The following MKX variants were observed in gnomAD, a reference collection of about 807,000 sequenced individuals.
MKX encodes the protein mohawk homeobox.
A neutral mutation model predicts 36.0 loss-of-function variants in MKX; 13 were observed. The observed-to-expected ratio is 0.36, with a 90% CI of 0.24 to 0.57. The LOEUF (loss-of-function observed/expected upper bound fraction) is 0.57, where lower values mean the gene tolerates loss of function less well. MKX is among the 20% of genes least tolerant of loss of function. The pLI is 0.79. For synonymous variants in MKX, 176 were observed against 178.3 expected (o/e 0.99, Z 0.10); for missense variants, 458 against 456.4 (o/e 1.00, Z -0.03).
chr10:27,729,785 A>G (rs1041708601), intron 5 of MKX, among the ~76,000 whole-genome samples: 4 of 152,168 alleles, frequency 2.6e-5, no homozygotes, highest in African/African-American at 9.6e-5. Flanking sequence ...GAAATTCCAT[A>G]GGCTTGGTTC....
At chr10:27,697,228 T>C (rs541101196) in intron 5 of MKX, among the ~76,000 whole-genome samples, 5 of 152,228 alleles carry the variant, frequency 3.3e-5, no homozygotes, top group African/African-American at 1.2e-4. Flanking sequence ...GCCTGGCACT[T>C]AGATAGGGAA....
At chr10:27,722,188 G>A (rs901276867) in intron 5 of MKX, among the ~76,000 whole-genome samples, 4 of 152,082 alleles carry the variant, frequency 2.6e-5, no homozygotes, top group East Asian at 1.9e-4. Flanking sequence ...ATGTAAACAC[G>A]TGACATCTAC....
chr10:27,715,989 G>A (rs944475382), intron 5 of MKX, among the ~76,000 whole-genome samples: 1 of 152,070 alleles, frequency 6.6e-6, no homozygotes, highest in Non-Finnish European at 1.5e-5. Flanking sequence ...CCAGGATTGG[G>A]AAAAAGTAAA....
intron 5 of MKX, among the ~76,000 whole-genome samples, chr10:27,707,106 G>A (rs1467372963): frequency 1.4e-5 from 2 of 147,642 alleles, no homozygotes. Flanking sequence ...AGCATACAGC[G>A]TGTTATTAGG....
intron 5 of MKX, among the ~76,000 whole-genome samples, chr10:27,716,810 C>T (rs1477186195): frequency 1.3e-5 from 2 of 152,188 alleles, no homozygotes; most frequent in Non-Finnish European, 2.9e-5. Context: ...GAATTTTGCC[C>T]TCATGACTTT....
rs529503941 is a variant in MKX at position 27,679,585 on chromosome 10, G to C, written c.839-4031C>G. ...TCCCAGAATAGCCAACCCGGCAAAA[G>C]GAAGACAGCAAACAGAGCCCTTTGA... On this transcript the variant is annotated intron_variant, in intron 5 of 6. Transcript: ENST00000419761. 1.2e-4 allele frequency among the ~76,000 whole-genome samples: 18 copies of C among 152,310 alleles called. No homozygotes were observed. In the East Asian group the frequency reaches 3.5e-3, roughly 29 times the overall value.
chr10:27,709,024 C>A (rs1836807194), intron 5 of MKX, among the ~76,000 whole-genome samples: 1 of 151,748 alleles, frequency 6.6e-6, no homozygotes, highest in Admixed American at 6.6e-5. Context: ...AAAAAATTAG[C>A]TGGGCATGGT....
chr10:27,736,091 G>A (rs1292756474), intron 3 of MKX, among the ~76,000 whole-genome samples: 1 of 152,006 alleles, frequency 6.6e-6, no homozygotes, highest in Non-Finnish European at 1.5e-5. Context: ...TTGAAGGGAG[G>A]GGATGAGCAA....
At chr10:27,701,988 T>A (rs1381770032) in intron 5 of MKX, among the ~76,000 whole-genome samples, 4 of 152,198 alleles carry the variant, frequency 2.6e-5, no homozygotes, top group African/African-American at 9.6e-5. Flanking sequence ...GAGACTAGAA[T>A]GTCCTCCTCC....
intron 5 of MKX, among the ~76,000 whole-genome samples, chr10:27,681,504 T>G (rs1033641655): frequency 6.6e-6 from 1 of 152,118 alleles, no homozygotes; most frequent in East Asian, 1.9e-4. Context: ...GTATAAAGTA[T>G]AGCACATAAA....
At chr10:27,680,142 T>C (rs1010304329) in intron 5 of MKX, among the ~76,000 whole-genome samples, 5 of 152,194 alleles carry the variant, frequency 3.3e-5, no homozygotes, top group African/African-American at 9.7e-5. Flanking sequence ...TTCATTAGCA[T>C]GCACAGACTC....
At chr10:27,702,767 G>T (rs1836680619) in intron 5 of MKX, among the ~76,000 whole-genome samples, 1 of 151,868 alleles carries the variant, frequency 6.6e-6, no homozygotes, top group African/African-American at 2.4e-5. Context: ...CCTTCTCAAT[G>T]TTAACCAAAG....
intron 5 of MKX, among the ~76,000 whole-genome samples, chr10:27,721,102 G>C (rs1366846571): frequency 6.6e-6 from 1 of 152,144 alleles, no homozygotes; most frequent in East Asian, 1.9e-4. Context: ...TCAGTGGGAA[G>C]ATTTGATATA....
At chr10:27,686,389 AAGGGAAAGGAAGG>A (rs60587694) in intron 5 of MKX, among the ~76,000 whole-genome samples, 7,273 of 133,828 alleles carry the variant, frequency 0.054, 436 homozygotes, top group African/African-American at 0.16. Context: ...AAGGGAAGGG[AAGGGAAAGGAAGG>A]AAGGAAGGAA....
rs574255396 is a variant in MKX at position 27,742,989 on chromosome 10, C to A, written c.188+239G>T. 6.6e-6 allele frequency among the ~76,000 whole-genome samples: 1 copy of A among 152,362 alleles called. No homozygotes were observed. The highest frequency in any genetic ancestry group is 1.9e-4 in the East Asian group (1 of 5,180). ...CGGAGGGCCGAGGGGCAGCTCCTGGCGCCCTTAGTCTCCACCAAGCTCTTT... is the reference window on the plus strand; with the variant it reads ...CGGAGGGCCGAGGGGCAGCTCCTGGAGCCCTTAGTCTCCACCAAGCTCTTT... On this transcript the variant is annotated intron_variant, in intron 2 of 6. Coordinates refer to ENST00000419761, the MANE Select transcript of MKX (RefSeq NM_173576.3). The surrounding 1 kb of genome is among the most constrained non-coding windows in gnomAD (Gnocchi z 4.2).
chr10:27,731,698 A>G (rs1834634101), intron 5 of MKX, among the ~76,000 whole-genome samples: 1 of 152,168 alleles, frequency 6.6e-6, no homozygotes, highest in Non-Finnish European at 1.5e-5. Context: ...GAATTTGGCA[A>G]ATGAATAGTC....
intron 5 of MKX, among the ~76,000 whole-genome samples, chr10:27,724,756 T>TACACACACACACACACACACAC (rs55968845): frequency 7.1e-6 from 1 of 141,400 alleles, no homozygotes; most frequent in African/African-American, 2.6e-5. Context: ...TACTACTACC[T>TACACACACACACACACACACAC]ACACACACAC....
chr10:27,721,532 A>T (rs913811825), intron 5 of MKX, among the ~76,000 whole-genome samples: 1 of 152,216 alleles, frequency 6.6e-6, no homozygotes, highest in African/African-American at 2.4e-5. Flanking sequence ...GGAACAGAAA[A>T]CCAAACACAG....
At chr10:27,745,521 G>A (rs1043739844) in intron 1 of MKX, 186 bp downstream of exon 1, 1 of 152,528 alleles carries the variant, frequency 6.6e-6, no homozygotes, top group Non-Finnish European at 1.5e-5. Context: ...GGCGCGGCCA[G>A]GTGGGCTCCC....
Sources: allele counts gnomAD v4.1 joint callset (sites outside exome capture counted in the v4.1 genomes callset), GRCh38; gene constraint gnomAD v4.1.1; non-coding constraint Gnocchi (gnomAD v3.1); transcripts MANE v1.5; gene names NCBI Gene and HGNC (gene_info 2026-07-23, HGNC 2026-07-21).